ITFG2: variants seen among roughly 807,000 people sequenced by gnomAD.
ITFG2 encodes integrin alpha FG-GAP repeat containing 2.
Under a neutral mutation model 54.4 loss-of-function variants are expected in ITFG2, and 36 were observed. The ratio of observed to expected loss-of-function variants is 0.66; its 90% confidence interval spans 0.51 to 0.87. The LOEUF is 0.87. ITFG2 is among the 40% of genes least tolerant of loss of function. ITFG2 has a pLI of 0.00. For synonymous variants in ITFG2, 211 were observed against 225.4 expected (o/e 0.94, Z 0.57); for missense variants, 524 against 576.7 (o/e 0.91, Z 0.94).
chr12:2,847,890 A>G (rs374881782), intron 2 of ITFG2, among the ~76,000 whole-genome samples: 15 of 152,050 alleles, frequency 9.9e-5, no homozygotes, highest in African/African-American at 3.1e-4. Context: ...TCAATACTCA[A>G]TTTCTTTTTA....
At chr12:2,814,280 G>A (rs565796509) in intron 1 of ITFG2, among the ~76,000 whole-genome samples, 46 of 152,268 alleles carry the variant, frequency 3.0e-4, no homozygotes, top group Non-Finnish European at 5.4e-4. Flanking sequence ...AGCACCTTCA[G>A]ATATACATTA....
chr12:2,832,380 CA>C (rs1480551118), upstream of ITFG2, among the ~76,000 whole-genome samples: 1 of 152,060 alleles, frequency 6.6e-6, no homozygotes, highest in African/African-American at 2.4e-5. Context: ...CCGCTCATAC[CA>C]GGCCGCTTTT....
chr12:2,834,542 AGCT>A (rs2098018704), upstream of ITFG2: 19 of 1,473,426 alleles, frequency 1.3e-5, no homozygotes, highest in Non-Finnish European at 1.6e-5. Flanking sequence ...GGGACCTGAA[AGCT>A]GAGGGTCTGC....
downstream of ITFG2, chr12:2,831,040 A>G (rs1603484332): frequency 1.9e-6 from 1 of 534,236 alleles, no homozygotes; most frequent in East Asian, 3.4e-5. Context: ...GTATCAAATC[A>G]TGCCGTTTTC....
intron 9 of ITFG2, 76 bp from the exon 10 acceptor site, chr12:2,822,718 T>C: frequency 7.8e-7 from 1 of 1,280,016 alleles, no homozygotes; most frequent in Non-Finnish European, 1.1e-6. Context: ...GTGAAATTCC[T>C]CCCCAGCTCG....
chr12:2,831,969 T>C (rs2098005496), upstream of ITFG2, among the ~76,000 whole-genome samples: 1 of 152,150 alleles, frequency 6.6e-6, no homozygotes, highest in African/African-American at 2.4e-5. Context: ...GAACACCTTC[T>C]TAAGTTCATA....
At chr12:2,812,948 C>T in intron 1 of ITFG2, 92 bp downstream of exon 1, 2 of 1,036,982 alleles carry the variant, frequency 1.9e-6, no homozygotes, top group East Asian at 2.4e-5. Context: ...GCCACGTGAG[C>T]GTGAGCATGC....
At chr12:2,833,438 G>A (rs963505770), upstream of ITFG2, among the ~76,000 whole-genome samples, 1 of 152,140 alleles carries the variant, frequency 6.6e-6, no homozygotes, top group Admixed American at 6.5e-5. Flanking sequence ...TCTGGGCTGT[G>A]GTCCTGGTGG....
intron 2 of ITFG2, among the ~76,000 whole-genome samples, chr12:2,844,756 C>T (rs1051921469): frequency 2.0e-5 from 3 of 152,228 alleles, no homozygotes; most frequent in South Asian, 2.1e-4. Context: ...CCCTTGGACA[C>T]GACCTCCCCT....
At chr12:2,819,207 G>A (rs996282660) in intron 4 of ITFG2, among the ~76,000 whole-genome samples, 4 of 152,056 alleles carry the variant, frequency 2.6e-5, no homozygotes, top group Non-Finnish European at 4.4e-5. Flanking sequence ...GCTCACGCCT[G>A]TAATCCCAAC....
chr12:2,829,223 A>G (rs956115174), downstream of ITFG2, among the ~76,000 whole-genome samples: 2 of 152,222 alleles, frequency 1.3e-5, no homozygotes, highest in African/African-American at 4.8e-5. Flanking sequence ...AATCCCTGTT[A>G]GGAAACTCAG....
chr12:2,854,856 G>T, intron 2 of ITFG2: 1 of 1,502,588 alleles, frequency 6.7e-7, no homozygotes, highest in South Asian at 1.3e-5. Context: ...CACCTGGGCA[G>T]GGCAGGCTGG....
upstream of ITFG2, among the ~76,000 whole-genome samples, chr12:2,833,673 T>G (rs969504948): frequency 2.0e-5 from 3 of 152,134 alleles, no homozygotes; most frequent in Admixed American, 2.0e-4. Context: ...ATTTCCTCTC[T>G]TCCACGGGTC....
intron 9 of ITFG2, 70 bp from the exon 10 acceptor site, chr12:2,822,724 G>T (rs1404896454): frequency 2.3e-6 from 3 of 1,332,776 alleles, no homozygotes; most frequent in Non-Finnish European, 3.2e-6. Context: ...TTCCTCCCCA[G>T]CTCGCTGTTT....
chr12:2,856,240 CCT>C (rs1049600703), intron 2 of ITFG2, among the ~76,000 whole-genome samples: 1 of 152,132 alleles, frequency 6.6e-6, no homozygotes, highest in African/African-American at 2.4e-5. Context: ...GGACTTAAGC[CCT>C]CTGTCTGTGC....
rs750367199 is a variant in ITFG2 at position 2,823,777 on chromosome 12, C to T, written c.1074C>T (p.Tyr358=). ...ENIRAFCAGL[Y]ACKEGRNSPC... is the part of the protein sequence containing the mutation. Reference sequence around the variant, plus strand: ...CCTGCCAACATCTTCCAGGCCTGTACGCCTGCAAAGAGGGCCGCAACAGCC... The same window carrying T: ...CCTGCCAACATCTTCCAGGCCTGTATGCCTGCAAAGAGGGCCGCAACAGCC... The change falls in exon 11 of 12, where the codon TAC becomes TAT. Residue 358 remains tyrosine (Y), a synonymous_variant. Transcript: ENST00000228799. 18 of 1,565,040 alleles carry T rather than the reference C, an allele frequency of 1.2e-5. No individual in the cohort carries two copies. The highest frequency in any genetic ancestry group is 1.7e-4 in the Middle Eastern group (1 of 5,812).
At chr12:2,815,993 T>C (rs2097920436) in intron 1 of ITFG2, among the ~76,000 whole-genome samples, 1 of 151,706 alleles carries the variant, frequency 6.6e-6, no homozygotes, top group Non-Finnish European at 1.5e-5. Flanking sequence ...GCCTCCTGAG[T>C]AGCTGAAGCT....
At chr12:2,837,157 C>T (rs776805474) in intron 1 of ITFG2, among the ~76,000 whole-genome samples, 9 of 152,000 alleles carry the variant, frequency 5.9e-5, no homozygotes, top group Non-Finnish European at 1.3e-4. Flanking sequence ...CATGGTGAAA[C>T]GCTGTCTCCA....
chr12:2,848,890 C>CAG, intron 2 of ITFG2: 1 of 319,220 alleles, frequency 3.1e-6, no homozygotes, highest in South Asian at 3.8e-5. Context: ...CACACACACA[C>CAG]ACACACACAC....
Sources: gnomAD v4.1 joint callset for allele counts (sites outside exome capture counted in the v4.1 genomes callset) on GRCh38, gnomAD v4.1.1 for gene constraint, MANE v1.5 for transcripts, NCBI Gene and HGNC (gene_info 2026-07-23, HGNC 2026-07-21) for gene names.